USP9X: variants seen among roughly 807,000 people sequenced by gnomAD.
USP9X encodes the protein ubiquitin carboxyl-terminal hydrolase 9X.
USP9X carries 7 observed loss-of-function variants against 190.3 expected under a neutral mutation model. That is an observed-to-expected ratio of 0.04 (90% confidence interval 0.02 to 0.07). The LOEUF (loss-of-function observed/expected upper bound fraction) is 0.07, where lower values mean the gene tolerates loss of function less well. Ranked by LOEUF, USP9X falls within the 10% of genes least tolerant of loss-of-function variation. The probability of loss-of-function intolerance (pLI) is 1.00; values close to 1 mark genes in which losing one functional copy is unlikely to be tolerated. For missense variants in USP9X, 1,010 were observed against 1,916.9 expected (o/e 0.53, Z 8.83); for synonymous variants, 645 against 659.5 (o/e 0.98, Z 0.34).
At chrX:41,145,169 CTTT>C (rs2062454039) in intron 11 of USP9X, among the ~76,000 whole-genome samples, 1 of 111,567 alleles carries the variant, frequency 9.0e-6, no homozygotes, top group African/African-American at 3.3e-5. Flanking sequence ...AAGAACGTAA[CTTT>C]TTGGCAGTTT....
intron 3 of USP9X, among the ~76,000 whole-genome samples, chrX:41,130,103 T>C (rs1462464385): frequency 8.9e-6 from 1 of 112,054 alleles, no homozygotes; most frequent in Non-Finnish European, 1.9e-5. Flanking sequence ...TTGTGTTTAC[T>C]ATCATATATG....
chrX:41,132,295 ATTTTTTT>A (rs11356870), intron 4 of USP9X, among the ~76,000 whole-genome samples: 6 of 54,593 alleles, frequency 1.1e-4, no homozygotes, highest in African/African-American at 4.6e-4. Flanking sequence ...ATGCCCACTA[ATTTTTTT>A]TTTTTTTTTT....
intron 44 of USP9X, 124 bp from the exon 45 acceptor site, chrX:41,232,263 A>G (rs2063367358): frequency 1.3e-6 from 1 of 770,171 alleles, no homozygotes; most frequent in Admixed American, 4.1e-5. Flanking sequence ...ATAGTAGTCC[A>G]AGGGTATTTA....
chrX:41,218,630 A>G (rs757544096), intron 37 of USP9X, 33 bp downstream of exon 37: 1 of 1,153,284 alleles, frequency 8.7e-7, no homozygotes, highest in Admixed American at 2.2e-5. Flanking sequence ...AAATGATGAG[A>G]TGTTTACAAA....
intron 1 of USP9X, among the ~76,000 whole-genome samples, chrX:41,108,554 C>G (rs1029044035): frequency 5.4e-5 from 6 of 111,486 alleles, no homozygotes; most frequent in African/African-American, 2.0e-4. Context: ...CTTTTGATAG[C>G]TGCTTATTAC....
chrX:41,194,080 T>C (rs2062961062), intron 26 of USP9X, among the ~76,000 whole-genome samples: 1 of 112,026 alleles, frequency 8.9e-6, no homozygotes, highest in African/African-American at 3.2e-5. Flanking sequence ...GAAAAGTAGA[T>C]ACGCCTGACT....
At chrX:41,122,881 G>A (rs904630075) in intron 1 of USP9X, among the ~76,000 whole-genome samples, 6 of 110,759 alleles carry the variant, frequency 5.4e-5, no homozygotes, top group African/African-American at 1.6e-4. Context: ...AATCTCCAAC[G>A]GCCCCCAGCT....
chrX:41,093,994 A>G (rs1054498370), intron 1 of USP9X, among the ~76,000 whole-genome samples: 7 of 110,934 alleles, frequency 6.3e-5, no homozygotes, highest in Non-Finnish European at 9.4e-5. Flanking sequence ...AAAATATAGA[A>G]AATCTCATTT....
At chrX:41,162,969 C>T (rs1011806312) in intron 15 of USP9X, 92 bp downstream of exon 15, 4 of 636,040 alleles carry the variant, frequency 6.3e-6, no homozygotes, top group Non-Finnish European at 4.5e-6. Context: ...TGTTGGGTGG[C>T]CTTTTCCCAA....
chrX:41,207,079 CTTTTT>C (rs34779889), intron 32 of USP9X, among the ~76,000 whole-genome samples: 1 of 30,484 alleles, frequency 3.3e-5, no homozygotes, highest in Non-Finnish European at 5.1e-5. Flanking sequence ...GCTCCCTGGC[CTTTTT>C]TTTTTTTTTT....
intron 11 of USP9X, 74 bp downstream of exon 11, chrX:41,144,700 T>C: frequency 1.2e-6 from 1 of 854,019 alleles, no homozygotes. Context: ...TGAATTACTT[T>C]TAGCCAATAA....
chrX:41,224,673 G>C, intron 39 of USP9X, 69 bp from the exon 40 acceptor site: 3 of 927,557 alleles, frequency 3.2e-6, no homozygotes, highest in Admixed American at 2.9e-5. Context: ...ATTTTCTATC[G>C]TGAAAGTTGT....
At chrX:41,219,021 TATGTGC>T in intron 37 of USP9X, 75 bp from the exon 38 acceptor site, 5 of 996,532 alleles carry the variant, frequency 5.0e-6, no homozygotes, top group Non-Finnish European at 6.7e-6. Context: ...TGTATCAGCA[TATGTGC>T]ATGTCCTTTT....
intron 1 of USP9X, among the ~76,000 whole-genome samples, chrX:41,120,765 T>C (rs1290815857): frequency 9.0e-6 from 1 of 110,726 alleles, no homozygotes; most frequent in Non-Finnish European, 1.9e-5. Flanking sequence ...CCCAAAGTGC[T>C]GGGATTACAA....
At chrX:41,099,234 GTGTC>G (rs1278010038) in intron 1 of USP9X, among the ~76,000 whole-genome samples, 2 of 106,932 alleles carry the variant, frequency 1.9e-5, no homozygotes, top group African/African-American at 6.9e-5. Context: ...GTGAGCCACT[GTGTC>G]TGGCTGACGT....
chrX:41,088,136 A>G (rs1373222308), intron 1 of USP9X, among the ~76,000 whole-genome samples: 2 of 111,751 alleles, frequency 1.8e-5, no homozygotes, highest in East Asian at 5.6e-4. Context: ...GGCGCGTGCC[A>G]TCACGCCCGG....
At chrX:41,166,592 T>TG (rs945237686) in intron 16 of USP9X, among the ~76,000 whole-genome samples, 1 of 112,129 alleles carries the variant, frequency 8.9e-6, no homozygotes, top group African/African-American at 3.2e-5. Flanking sequence ...AGAGAGGACT[T>TG]GTGTTTAGTA....
At chrX:41,193,154 G>A (rs2062952454) in intron 26 of USP9X, among the ~76,000 whole-genome samples, 1 of 111,017 alleles carries the variant, frequency 9.0e-6, no homozygotes, top group Non-Finnish European at 1.9e-5. Flanking sequence ...GACGGGGACA[G>A]TTGTAGGGAG....
chrX:41,159,832 A>T (rs1404553312), intron 14 of USP9X, among the ~76,000 whole-genome samples: 1 of 111,340 alleles, frequency 9.0e-6, no homozygotes, highest in African/African-American at 3.3e-5. Flanking sequence ...CCATGATTCC[A>T]TTTTTATATG....
Sources: gnomAD v4.1 joint callset for allele counts (sites outside exome capture counted in the v4.1 genomes callset) on GRCh38, gnomAD v4.1.1 for gene constraint, MANE v1.5 for transcripts, NCBI Gene and HGNC (gene_info 2026-07-23, HGNC 2026-07-21) for gene names.